Variants in MYNN observed in about 807,000 individuals in gnomAD.
MYNN encodes myoneurin, also known as zinc finger and BTB domain-containing protein 31.
MYNN carries 22 observed loss-of-function variants against 57.2 expected under a neutral mutation model. The ratio of observed to expected loss-of-function variants is 0.38; its 90% CI spans 0.27 to 0.55. MYNN has a LOEUF of 0.55. Among genes scored for constraint, MYNN ranks in the 20% least tolerant of loss-of-function variants. MYNN has a pLI of 0.71. For missense variants in MYNN, 566 were observed against 723.1 expected, an observed-to-expected ratio of 0.78 and a Z score of 2.49; for synonymous variants, 241 against 257.1, an observed-to-expected ratio of 0.94 and a Z score of 0.60.
intron 5 of MYNN, 69 bp from the exon 6 acceptor site, chr3:169,783,408 A>G: frequency 1.2e-6 from 1 of 867,732 alleles, no homozygotes; most frequent in Non-Finnish European, 1.8e-6. Context: ...CTTACTTTAG[A>G]TTATTTGTAA....
intron 2 of MYNN, among the ~76,000 whole-genome samples, chr3:169,776,694 A>ATTTTTTTTTTT (rs10681957): frequency 1.9e-5 from 2 of 105,628 alleles, no homozygotes; most frequent in Non-Finnish European, 3.6e-5. Context: ...TGTTGAACAA[A>ATTTTTTTTTTT]TTTTTTTTTT....
At chr3:169,776,012 A>G (rs1168009907) in intron 2 of MYNN, among the ~76,000 whole-genome samples, 1 of 152,208 alleles carries the variant, frequency 6.6e-6, no homozygotes, top group African/African-American at 2.4e-5. Flanking sequence ...GTATAATGAA[A>G]TCTTCAAGTG....
rs765760489 is a variant in MYNN at position 169,784,734 on chromosome 3, G to C, written c.1570+26G>C. On this transcript the variant is annotated intron_variant, in intron 7 of 7. Coordinates refer to ENST00000349841, the MANE Select transcript of MYNN (RefSeq NM_018657.5). ...GTAAATGCTTGTGTTTTGTTTGCTT[G>C]TTTGTTTGTTTTAATTTGGTGCTCA... is the stretch of plus-strand genomic sequence containing the variant. The C allele has an allele frequency of 1.5e-5, 22 of 1,437,066 alleles. No homozygotes were observed. In the South Asian group the frequency reaches 2.4e-4, roughly 16 times the overall value. The allele number at this position is 1,437,066 out of a possible 1,614,324, so 89.0% of individuals were successfully genotyped here. A position where few individuals can be genotyped will look rare whatever the true frequency, so the allele number is the denominator to read the frequency against.
rs1452384397 is a variant in MYNN at position 169,778,875 on chromosome 3, C to T, written c.374C>T (p.Ser125Phe). 4 of 1,613,752 alleles carry T rather than the reference C, an allele frequency of 2.5e-6. No individual in the cohort carries two copies. Among genetic ancestry groups the T allele is most frequent in the Non-Finnish European group, 8.5e-7 (1 of 1,179,914 alleles). The change falls in exon 3 of 8, where the codon TCT becomes TTT. Residue 125 changes from serine to phenylalanine, a missense_variant. Physicochemically the swap from Ser to Phe is radical, Grantham distance 155. Coordinates refer to ENST00000349841, the MANE Select transcript of MYNN (RefSeq NM_018657.5). ...GATTTTGCTTTTATTGCTAATCCTT[C>T]TTCTACAGAGATATCTAGTATTACT... ...MEDFAFIANP[S>F]STEISSITGN... is the part of the protein sequence containing the mutation.
intron 3 of MYNN, 195 bp from the exon 4 acceptor site, chr3:169,780,394 TC>T (rs1778477048): frequency 2.1e-6 from 1 of 465,266 alleles, no homozygotes; most frequent in African/African-American, 2.0e-5. Context: ...TATGTATTTA[TC>T]TCGTGAATTC....
At chr3:169,784,912 T>TAA (rs11456214) in intron 7 of MYNN, among the ~76,000 whole-genome samples, 141 of 134,636 alleles carry the variant, frequency 1.0e-3, no homozygotes, top group South Asian at 2.4e-3. Context: ...ATCTCTTATT[T>TAA]AAAAAAAAAA....
Position 169,783,547 on chromosome 3 carries a change from T to C in MYNN, c.1470T>C (p.Phe490=), listed in dbSNP as rs1371107482. The part of the protein sequence containing the change: ...FISSGELNKH[F]RSHTGERPFI... ...CCTCAGGAGAGCTCAACAAACACTT[T>C]CGGTCCCATACAGGTCTGTGTTTAG... is the stretch of plus-strand genomic sequence containing the variant. Residue 490 remains phenylalanine, a synonymous_variant, in exon 6 of 8, where the codon TTT becomes TTC. Coordinates refer to ENST00000349841, the MANE Select transcript of MYNN (RefSeq NM_018657.5). 3.1e-6 allele frequency: 5 copies of C among 1,609,390 alleles called. No homozygotes were observed. The highest frequency in any genetic ancestry group is 4.3e-6 in the Non-Finnish European group (5 of 1,176,200).
intron 2 of MYNN, chr3:169,777,884 T>C (rs1329925423): frequency 6.6e-6 from 1 of 152,188 alleles, no homozygotes; most frequent in African/African-American, 2.4e-5. Flanking sequence ...TCTAAAACCT[T>C]GTTCCTCTAA....
At chr3:169,773,978 A>G (rs1308052992) in intron 1 of MYNN, 9 of 311,112 alleles carry the variant, frequency 2.9e-5, no homozygotes, top group African/African-American at 1.5e-4. Context: ...GAGCTTGAAA[A>G]TCTGAGGGTT....
At chr3:169,777,551 AC>A in intron 2 of MYNN, 1 of 152,076 alleles carries the variant, frequency 6.6e-6, no homozygotes, top group African/African-American at 2.4e-5. Flanking sequence ...GTTAACACCA[AC>A]TCAACTCTAA....
At chr3:169,781,556 A>T (rs530357984) in intron 4 of MYNN, among the ~76,000 whole-genome samples, 4 of 152,300 alleles carry the variant, frequency 2.6e-5, no homozygotes, top group Non-Finnish European at 4.4e-5. Context: ...GCCCTGAGGC[A>T]CTCTAACTTT....
intron 7 of MYNN, 120 bp from the exon 8 acceptor site, chr3:169,786,296 G>A (rs999495222): frequency 1.1e-4 from 104 of 938,464 alleles, no homozygotes; most frequent in African/African-American, 1.5e-4. Flanking sequence ...AAGAGAAACC[G>A]CTTGAGTAAA....
intron 2 of MYNN, chr3:169,777,986 TG>T (rs1307078907): frequency 6.5e-6 from 1 of 152,944 alleles, no homozygotes; most frequent in African/African-American, 2.4e-5. Context: ...CCTAGCACTT[TG>T]GGAGCCCAAG....
chr3:169,783,870 A>T (rs1265414920), intron 6 of MYNN: 5 of 337,702 alleles, frequency 1.5e-5, no homozygotes, highest in Non-Finnish European at 2.2e-5. Flanking sequence ...TAATACCAAG[A>T]TAACATCAGA....
Position 169,787,268 on chromosome 3 carries a change from T to A in MYNN, c.*590T>A, listed in dbSNP as rs1778702564. On this transcript the variant is annotated 3_prime_UTR_variant, in exon 8 of 8. Coordinates refer to ENST00000349841, the MANE Select transcript of MYNN (RefSeq NM_018657.5). ...AAATGTTTCTCAAAATCTAGAAAAGTGCATATAAATTTTTGTTCATTTAGA... is the reference window on the plus strand; with the variant it reads ...AAATGTTTCTCAAAATCTAGAAAAGAGCATATAAATTTTTGTTCATTTAGA... 6.6e-6 allele frequency: 1 copy of A among 152,160 alleles called. No homozygotes were observed. Among genetic ancestry groups the A allele is most frequent in the African/African-American group, 2.4e-5 (1 of 41,458 alleles). 9.4% of individuals were successfully genotyped at this position (152,160 alleles called of 1,614,324 possible).
In MYNN at chr3:169,779,051, A is replaced by G. The variant is rs749066571; in HGVS notation, c.550A>G (p.Lys184Glu). Residue 184 changes from lysine to glutamate, a missense_variant, in exon 3 of 8, where the codon AAG becomes GAG. Lys to Glu is a moderately conservative substitution (Grantham distance 56, BLOSUM62 1). Transcript: ENST00000349841. ...KKSSQTKKKK[K>E]AFNSPKTGQN... ...GTCATCTCAAACGAAAAAGAAGAAG[A>G]AGGCTTTCAACTCCCCGAAAACAGG... 2.2e-5 allele frequency: 35 copies of G among 1,614,004 alleles called. No homozygotes were observed. Among genetic ancestry groups the G allele is most frequent in the Non-Finnish European group, 2.5e-5 (29 of 1,180,050 alleles).
At chr3:169,779,889 A>T (rs919491984) in intron 3 of MYNN, 2 of 291,714 alleles carry the variant, frequency 6.9e-6, no homozygotes, top group African/African-American at 4.3e-5. Flanking sequence ...CAATTTTCAG[A>T]TATTGCCAAC....
In MYNN at chr3:169,775,505, C is replaced by T. The variant is rs114892675; in HGVS notation, c.266+944C>T. On this transcript the variant is annotated intron_variant, in intron 2 of 7. Transcript: ENST00000349841. ...ATCTTTCCTGTCAGTCGCTATGTCTCCTTGAGCATGATGCAATCTCTCTGG... is the reference window on the plus strand; with the variant it reads ...ATCTTTCCTGTCAGTCGCTATGTCTTCTTGAGCATGATGCAATCTCTCTGG... Among the ~76,000 whole-genome samples the T allele has an allele frequency of 8.7e-3, 1,328 of 152,240 alleles. 16 individuals are homozygous for T. Among genetic ancestry groups the T allele is most frequent in the African/African-American group, 0.03 (1,243 of 41,534 alleles).
chr3:169,777,034 G>T (rs937341612), intron 2 of MYNN, among the ~76,000 whole-genome samples: 2 of 152,156 alleles, frequency 1.3e-5, no homozygotes, highest in African/African-American at 4.8e-5. Flanking sequence ...GGTCTTAAAG[G>T]CTACCTGACC....
Sources: allele counts gnomAD v4.1 joint callset (sites outside exome capture counted in the v4.1 genomes callset), GRCh38; gene constraint gnomAD v4.1.1; transcripts MANE v1.5; gene names NCBI Gene and HGNC (gene_info 2026-07-23, HGNC 2026-07-21).